Variants in DISP2 observed in about 807,000 individuals in gnomAD.
DISP2 encodes protein dispatched homolog 2.
Under a neutral mutation model 95.5 loss-of-function variants are expected in DISP2, and 59 were observed. The observed-to-expected ratio is 0.62, with a 90% CI of 0.50 to 0.77. The LOEUF (loss-of-function observed/expected upper bound fraction) is 0.77. Among genes scored for constraint, DISP2 ranks in the 30% least tolerant of loss-of-function variants. The pLI, the probability that DISP2 is intolerant of heterozygous loss-of-function variation, is 0.00. For missense variants in DISP2, 1,752 were observed against 1,854.6 expected (o/e 0.94, Z 1.02); for synonymous variants, 827 against 815.0 (o/e 1.01, Z -0.25).
In DISP2 at chr15:40,367,170, G is replaced by A; in HGVS notation, c.1058G>A (p.Cys353Tyr). Residue 353 changes from cysteine to tyrosine, a missense_variant, in exon 8 of 8, where the codon TGC becomes TAC. Cys to Tyr is a radical substitution (Grantham distance 194). Transcript: ENST00000267889. ...YLAVLSNRSSCLDTTQADAAR... is the reference protein window; with the variant it reads ...YLAVLSNRSSYLDTTQADAAR... The stretch of plus-strand genomic sequence containing the variant: ...GCTGTGCTCTCCAACCGCTCCTCCT[G>A]CCTGGACACTACCCAAGCTGACGCA... The A allele has an allele frequency of 6.2e-7, 1 of 1,613,986 alleles. No homozygotes were observed. The highest frequency in any genetic ancestry group is 8.5e-7 in the Non-Finnish European group (1 of 1,180,012).
In DISP2 at chr15:40,373,462, G is replaced by T. The variant is rs1889678320; in HGVS notation, c.*3144G>T. The T allele has an allele frequency of 2.0e-5, 3 of 152,248 alleles. No individual in the cohort carries two copies. The highest frequency in any genetic ancestry group is 7.2e-5 in the African/African-American group (3 of 41,442). The allele number at this position is 152,248 out of a possible 1,614,324, so 9.4% of individuals were successfully genotyped here. A position where few individuals can be genotyped will look rare whatever the true frequency, so the allele number is the denominator to read the frequency against. ...CTCATGCCTGTAATCCCAGCACTTT[G>T]GGAGGCTGAGGCAGGTGGATCACTA... On this transcript the variant is annotated 3_prime_UTR_variant, in exon 8 of 8. Transcript: ENST00000267889.
rs754694791 is a variant in DISP2 at position 40,368,131 on chromosome 15, C to T, written c.2019C>T (p.His673=). ...SAPRRLLLAL[H]RRLRGLRRAA... is the part of the protein sequence containing the mutation. ...CCCGGCGGCTACTGCTGGCGCTGCA[C>T]CGGCGGCTCCGCGGCCTGCGGAGGG... The change falls in exon 8 of 8, where the codon CAC becomes CAT. Residue 673 remains histidine, a synonymous_variant. Transcript: ENST00000267889. 3 of 1,464,550 alleles carry T rather than the reference C, an allele frequency of 2.0e-6. No homozygotes were observed. Among genetic ancestry groups the T allele is most frequent in the Admixed American group, 2.5e-5 (1 of 39,896 alleles). 90.7% of individuals were successfully genotyped at this position (1,464,550 alleles called of 1,614,324 possible).
In DISP2 at chr15:40,378,194, AT is replaced by A. The variant is rs1382671258; in HGVS notation, c.*7878del. 1 of 152,260 alleles carries A rather than the reference AT, an allele frequency of 6.6e-6. No individual in the cohort carries two copies. Among genetic ancestry groups the A allele is most frequent in the Non-Finnish European group, 1.5e-5 (1 of 68,042 alleles). The allele number at this position is 152,260 out of a possible 1,614,324, so 9.4% of individuals were successfully genotyped here. Reference sequence around the variant, plus strand: ...CACTACAGCTGACACCTATGTGAGAATTAGACAAGGACACTAAAAGAATTAT... The same window carrying A: ...CACTACAGCTGACACCTATGTGAGAATAGACAAGGACACTAAAAGAATTAT... On this transcript the variant is annotated 3_prime_UTR_variant, in exon 8 of 8. Transcript: ENST00000267889.
rs1213843454 is a variant in DISP2 at position 40,373,213 on chromosome 15, A to C, written c.*2895A>C. 6.6e-6 allele frequency: 1 copy of C among 152,178 alleles called. No homozygotes were observed. The highest frequency in any genetic ancestry group is 2.4e-5 in the African/African-American group (1 of 41,428). The allele number at this position is 152,178 out of a possible 1,614,324, so 9.4% of individuals were successfully genotyped here. On this transcript the variant is annotated 3_prime_UTR_variant, in exon 8 of 8. Coordinates refer to ENST00000267889, the MANE Select transcript of DISP2 (RefSeq NM_033510.3). ...GTATGGCCCTGGAGACATGGCTTAC[A>C]AGCACGCTGTGAGGCGTACAAAAAT...
intron 1 of DISP2, 52 bp downstream of exon 1, chr15:40,358,492 C>A: frequency 8.4e-7 from 1 of 1,191,730 alleles, no homozygotes; most frequent in Non-Finnish European, 1.1e-6. Context: ...CAGACCCTCC[C>A]CGCCCCAGGT....
chr15:40,365,194 A>G lies in DISP2; in HGVS notation c.767A>G (p.Gln256Arg), dbSNP rs779186030. The G allele has an allele frequency of 7.4e-6, 12 of 1,614,190 alleles. No individual in the cohort carries two copies. Among genetic ancestry groups the G allele is most frequent in the Non-Finnish European group, 1.0e-5 (12 of 1,180,024 alleles). The change falls in exon 6 of 8, where the codon CAG becomes CGG. Residue 256 changes from glutamine to arginine, a missense_variant. Physicochemically the swap from Gln to Arg is conservative, Grantham distance 43 (BLOSUM62 1). Around this residue, in one of 5 missense-constraint regions of DISP2, gnomAD observed 342 missense variants for 364.3 expected, o/e 0.94. Transcript: ENST00000267889. ...TLRPAPRGSA[Q>R]ESAVRPRRMV... ...AGGCCTGCACCCAGAGGCAGTGCCCAGGAGAGCGCTGTCCGGCCTCGGAGA... is the reference window on the plus strand; with the variant it reads ...AGGCCTGCACCCAGAGGCAGTGCCCGGGAGAGCGCTGTCCGGCCTCGGAGA...
intron 2 of DISP2, 104 bp downstream of exon 2, chr15:40,364,058 C>T (rs1334485337): frequency 2.7e-6 from 4 of 1,458,790 alleles, no homozygotes; most frequent in Non-Finnish European, 3.7e-6. Context: ...TAGGAGGCAA[C>T]CAGATGCAAC....
chr15:40,378,005 C>T lies in DISP2; in HGVS notation c.*7687C>T, dbSNP rs776871818. The T allele has an allele frequency of 1.3e-5, 2 of 152,218 alleles. No individual in the cohort carries two copies. Among genetic ancestry groups the T allele is most frequent in the Non-Finnish European group, 2.9e-5 (2 of 68,042 alleles). 9.4% of individuals were successfully genotyped at this position (152,218 alleles called of 1,614,324 possible). On this transcript the variant is annotated 3_prime_UTR_variant, in exon 8 of 8. Transcript: ENST00000267889. The stretch of plus-strand genomic sequence containing the variant: ...CCTGAATTCAGGAATCAAGCTGTTT[C>T]TAAGTAACTGAAGTGTATCCCAGAA...
chr15:40,365,395 C>G, intron 6 of DISP2, 121 bp downstream of exon 6: 1 of 1,484,918 alleles, frequency 6.7e-7, no homozygotes, highest in Non-Finnish European at 9.0e-7. Flanking sequence ...TGGCCACAGT[C>G]AAGCCAAGGA....
Position 40,372,584 on chromosome 15 carries a change from G to A in DISP2, c.*2266G>A, listed in dbSNP as rs1418756745. ...GGAACCTAATTTGAACCTGTCCCCAGGGGGTCTGCTGGGACCTCTCTCTTC... is the reference window on the plus strand; with the variant it reads ...GGAACCTAATTTGAACCTGTCCCCAAGGGGTCTGCTGGGACCTCTCTCTTC... On this transcript the variant is annotated 3_prime_UTR_variant, in exon 8 of 8. Coordinates refer to ENST00000267889, the MANE Select transcript of DISP2 (RefSeq NM_033510.3). The A allele has an allele frequency of 6.6e-6, 1 of 152,214 alleles. No individual in the cohort carries two copies. The highest frequency in any genetic ancestry group is 1.5e-5 in the Non-Finnish European group (1 of 68,052). 9.4% of individuals were successfully genotyped at this position (152,214 alleles called of 1,614,324 possible).
In DISP2 at chr15:40,368,978, C is replaced by T. The variant is rs773094194; in HGVS notation, c.2866C>T (p.Leu956=). 3 of 1,614,038 alleles carry T rather than the reference C, an allele frequency of 1.9e-6. No individual in the cohort carries two copies. The highest frequency in any genetic ancestry group is 2.2e-5 in the East Asian group (1 of 44,884). Residue 956 remains leucine, a synonymous_variant, in exon 8 of 8, where the codon CTG becomes TTG. Coordinates refer to ENST00000267889, the MANE Select transcript of DISP2 (RefSeq NM_033510.3). ...CACTAGCCGTCTAGAGCTGTATAGCCTGCAGCACAGCCTGAGCACTGAGCC... is the reference window on the plus strand; with the variant it reads ...CACTAGCCGTCTAGAGCTGTATAGCTTGCAGCACAGCCTGAGCACTGAGCC... The part of the protein sequence containing the change: ...WFTSRLELYS[L]QHSLSTEPAV...
At position 40,376,550 on chromosome 15, in the gene DISP2, G is replaced by A. The variant is rs905690702; in HGVS notation, c.*6232G>A. 3.3e-5 allele frequency: 5 copies of A among 152,234 alleles called. No homozygotes were observed. Among genetic ancestry groups the A allele is most frequent in the Non-Finnish European group, 5.9e-5 (4 of 68,078 alleles). 9.4% of individuals were successfully genotyped at this position (152,234 alleles called of 1,614,324 possible). A position where few individuals can be genotyped will look rare whatever the true frequency, so the allele number is the denominator to read the frequency against. The stretch of plus-strand genomic sequence containing the variant: ...AAGGACAATCGCTTGAACCCTGGAG[G>A]CAGAGGTTGCAGTGAGCCAAGATCA... On this transcript the variant is annotated 3_prime_UTR_variant, in exon 8 of 8. Transcript: ENST00000267889.
rs987679654 is a variant in DISP2 at position 40,369,542 on chromosome 15, G to C, written c.3430G>C (p.Ala1144Pro). ...TACTGGGGACCCTGGTGGGGAGAAG[G>C]CAGGCCGCCCACGACCAGGGTCAGT... Reference protein sequence around the residue: ...AGTGDPGGEKAGRPRPGSVGG... With the variant: ...AGTGDPGGEKPGRPRPGSVGG... The change falls in exon 8 of 8, where the codon GCA (alanine) becomes CCA (proline). Residue 1144 changes from alanine to proline, a missense_variant. Ala to Pro is a conservative substitution (Grantham distance 27, BLOSUM62 -1). Around this residue, in one of 5 missense-constraint regions of DISP2, gnomAD observed 347 missense variants for 344.2 expected, o/e 1.01. Coordinates refer to ENST00000267889, the MANE Select transcript of DISP2 (RefSeq NM_033510.3). The C allele has an allele frequency of 3.7e-6, 6 of 1,612,600 alleles. No individual in the cohort carries two copies. The African/African-American group carries it at 8.0e-5, about 22-fold the overall frequency.
intron 7 of DISP2, 62 bp downstream of exon 7, chr15:40,365,787 C>G (rs1410578656): frequency 1.3e-6 from 2 of 1,529,480 alleles, no homozygotes; most frequent in African/African-American, 1.4e-5. Context: ...GGAACTGATC[C>G]CAAGGAAATA....
rs754600819 is a variant in DISP2 at position 40,358,464 on chromosome 15, C to T, written c.119+24C>T. 1.2e-4 allele frequency: 152 copies of T among 1,261,632 alleles called. 1 individual carries two copies. Among genetic ancestry groups the T allele is most frequent in the South Asian group, 8.0e-4 (28 of 35,074 alleles). 78.2% of individuals were successfully genotyped at this position (1,261,632 alleles called of 1,614,324 possible). On this transcript the variant is annotated intron_variant, in intron 1 of 7. Coordinates refer to ENST00000267889, the MANE Select transcript of DISP2 (RefSeq NM_033510.3). Reference sequence around the variant, plus strand: ...AGGTAGGGCGGACAGCTCCGCAGATCCGTATCACAGACCCTCCCAGACCCT... The same window carrying T: ...AGGTAGGGCGGACAGCTCCGCAGATTCGTATCACAGACCCTCCCAGACCCT...
Position 40,374,282 on chromosome 15 carries a change from T to C in DISP2, c.*3964T>C, listed in dbSNP as rs1197990231. 2.7e-5 allele frequency: 4 copies of C among 147,200 alleles called. No individual in the cohort carries two copies. The highest frequency in any genetic ancestry group is 5.0e-5 in the African/African-American group (2 of 40,148). The allele number at this position is 147,200 out of a possible 1,614,324, so 9.1% of individuals were successfully genotyped here. ...TGGAGTGCAGTGGCACAATTTCGGCTCACTGCACTAATTTTTTGTATTTTT... is the reference window on the plus strand; with the variant it reads ...TGGAGTGCAGTGGCACAATTTCGGCCCACTGCACTAATTTTTTGTATTTTT... On this transcript the variant is annotated 3_prime_UTR_variant, in exon 8 of 8. Transcript: ENST00000267889.
Position 40,368,041 on chromosome 15 carries a change from C to T in DISP2, c.1929C>T (p.Leu643=), listed in dbSNP as rs1480170869. ...TCTGGCTGCCCGCCTCCGCCGTGCTCCACGAGCGCTACCTGGCGCGCGGCT... is the reference window on the plus strand; with the variant it reads ...TCTGGCTGCCCGCCTCCGCCGTGCTTCACGAGCGCTACCTGGCGCGCGGCT... ...TLVWLPASAV[L]HERYLARGCA... The change falls in exon 8 of 8, where the codon CTC becomes CTT. Residue 643 remains leucine (L), a synonymous_variant. Coordinates refer to ENST00000267889, the MANE Select transcript of DISP2 (RefSeq NM_033510.3). The T allele has an allele frequency of 6.5e-7, 1 of 1,527,724 alleles. No homozygotes were observed. The highest frequency in any genetic ancestry group is 2.5e-5 in the East Asian group (1 of 40,398). The allele number at this position is 1,527,724 out of a possible 1,614,324, so 94.6% of individuals were successfully genotyped here.
Position 40,367,423 on chromosome 15 carries a change from G to C in DISP2, c.1311G>C (p.Leu437=). The stretch of plus-strand genomic sequence containing the variant: ...AGGTGCCTTCCCTCAAGTACAGCCT[G>C]CTCTTCCTGCCCACCCCAAAGGGTG... The part of the protein sequence containing the change: ...DYQVPSLKYS[L]LFLPTPKGAS... Residue 437 remains leucine, a synonymous_variant, in exon 8 of 8, where the codon CTG becomes CTC. Transcript: ENST00000267889. 1.9e-6 allele frequency: 3 copies of C among 1,613,564 alleles called. No individual in the cohort carries two copies. The highest frequency in any genetic ancestry group is 1.7e-6 in the Non-Finnish European group (2 of 1,179,954).
At chr15:40,362,208 C>T (rs1373316856) in intron 1 of DISP2, among the ~76,000 whole-genome samples, 8 of 152,224 alleles carry the variant, frequency 5.3e-5, no homozygotes, top group African/African-American at 1.4e-4. Context: ...TCTTCTGCTC[C>T]GTGCTCCATG....
Sources: allele counts gnomAD v4.1 joint callset (sites outside exome capture counted in the v4.1 genomes callset), GRCh38; gene constraint gnomAD v4.1.1; regional missense constraint gnomAD v4.1.1; transcripts MANE v1.5; gene names NCBI Gene and HGNC (gene_info 2026-07-23, HGNC 2026-07-21).